The following CFAP57 variants were observed in gnomAD, a reference collection of about 807,000 sequenced individuals.
CFAP57 encodes the protein cilia- and flagella-associated protein 57.
Under a neutral mutation model 146.8 loss-of-function variants are expected in CFAP57, and 116 were observed. The observed-to-expected ratio is 0.79, with a 90% CI of 0.68 to 0.92. CFAP57 has a LOEUF of 0.92. Among genes scored for constraint, CFAP57 ranks in the 40% least tolerant of loss-of-function variants. The pLI is 0.00. For missense variants in CFAP57, 1,377 were observed against 1,527.2 expected (o/e 0.90, Z 1.64); for synonymous variants, 518 against 552.8 (o/e 0.94, Z 0.88).
intron 21 of CFAP57, among the ~76,000 whole-genome samples, chr1:43,235,408 A>G (rs1346117417): frequency 6.6e-6 from 1 of 152,214 alleles, no homozygotes; most frequent in East Asian, 1.9e-4. Flanking sequence ...TCAGAATCAC[A>G]TTTATAAAGC....
intron 11 of CFAP57, among the ~76,000 whole-genome samples, chr1:43,213,162 A>G (rs1314094265): frequency 6.6e-6 from 1 of 151,938 alleles, no homozygotes; most frequent in Non-Finnish European, 1.5e-5. Flanking sequence ...ATCTCCGCTC[A>G]CTGCAACCAC....
chr1:43,242,388 A>G (rs903317036), intron 21 of CFAP57, among the ~76,000 whole-genome samples: 1 of 152,252 alleles, frequency 6.6e-6, no homozygotes, highest in East Asian at 1.9e-4. Flanking sequence ...TTAACATAGT[A>G]TCTCCATAAT....
intron 6 of CFAP57, 140 bp downstream of exon 6, chr1:43,186,999 T>C (rs1339157499): frequency 2.0e-6 from 2 of 995,058 alleles, no homozygotes; most frequent in Non-Finnish European, 3.0e-6. Flanking sequence ...AACAAAATTC[T>C]AATTTTAAGA....
Position 43,198,655 on chromosome 1 carries a change from A to G in CFAP57, c.1428+9A>G, listed in dbSNP as rs2124425877. On this transcript the variant is annotated intron_variant, in intron 8 of 22. Transcript: ENST00000372492. ...TTAGAGGATGCGGAGAGGTAAAAAA[A>G]AAACTGCTGAAGACAAAAGTCCAGT... 1 of 1,613,692 alleles carries G rather than the reference A, an allele frequency of 6.2e-7. No homozygotes were observed. Among genetic ancestry groups the G allele is most frequent in the East Asian group, 2.2e-5 (1 of 44,864 alleles).
intron 13 of CFAP57, among the ~76,000 whole-genome samples, chr1:43,220,351 C>G (rs1158803557): frequency 6.6e-6 from 1 of 152,180 alleles, no homozygotes; most frequent in African/African-American, 2.4e-5. Flanking sequence ...TAAAATTAGT[C>G]TACATGGCCT....
At chr1:43,226,676 C>T (rs549293609) in intron 17 of CFAP57, among the ~76,000 whole-genome samples, 5 of 152,330 alleles carry the variant, frequency 3.3e-5, no homozygotes, top group South Asian at 2.1e-4. Flanking sequence ...AGCAAGGTCA[C>T]GCTGTAGAAC....
At chr1:43,191,010 T>C (rs941413925) in intron 6 of CFAP57, among the ~76,000 whole-genome samples, 4 of 152,186 alleles carry the variant, frequency 2.6e-5, no homozygotes, top group African/African-American at 9.7e-5. Context: ...CAGCCTCTTC[T>C]AATTTTTTGA....
At chr1:43,244,314 G>A (rs970262280) in intron 22 of CFAP57, among the ~76,000 whole-genome samples, 4 of 152,162 alleles carry the variant, frequency 2.6e-5, no homozygotes, top group Non-Finnish European at 1.5e-5. Flanking sequence ...TGAAGTGTCA[G>A]TTGTCTCTTG....
In CFAP57 at chr1:43,225,243, G is replaced by T. The variant is rs537590192; in HGVS notation, c.2865+1039G>T. 8.0e-4 allele frequency among the ~76,000 whole-genome samples: 122 copies of T among 152,310 alleles called. 1 individual carries two copies. Among genetic ancestry groups the T allele is most frequent in the Non-Finnish European group, 1.6e-4 (11 of 68,028 alleles). ...CACCACCATGGACTGGCAGGGTACA[G>T]GTGCAATGCTGCCACTCTCCTGCTC... On this transcript the variant is annotated intron_variant, in intron 17 of 22. Transcript: ENST00000372492.
At chr1:43,173,060 A>T (rs184744422) in intron 2 of CFAP57, 150 bp downstream of exon 2, 1 of 690,482 alleles carries the variant, frequency 1.4e-6, no homozygotes, top group Non-Finnish European at 2.5e-6. Flanking sequence ...GGCGACTTGT[A>T]TTATGAAACT....
At chr1:43,203,283 GA>G (rs747832689) in intron 9 of CFAP57, among the ~76,000 whole-genome samples, 192 of 148,372 alleles carry the variant, frequency 1.3e-3, no homozygotes, top group Non-Finnish European at 7.9e-4. Context: ...AACATTTAAG[GA>G]AAAAAAAATA....
Position 43,199,398 on chromosome 1 carries a change from T to C in CFAP57, c.1437T>C (p.Phe479=), listed in dbSNP as rs1644013302. ...YSVRGCGECS[F]SNGGHLFAAV... ...GCTGTCTTTCCCTATAGTGTTCCTT[T>C]AGCAATGGAGGTCACCTGTTTGCTG... Residue 479 remains phenylalanine, a synonymous_variant, in exon 9 of 23, where the codon TTT becomes TTC. Transcript: ENST00000372492. 1 of 1,614,106 alleles carries C rather than the reference T, an allele frequency of 6.2e-7. No individual in the cohort carries two copies. The highest frequency in any genetic ancestry group is 8.5e-7 in the Non-Finnish European group (1 of 1,179,990).
At position 43,179,298 on chromosome 1, in the gene CFAP57, G is replaced by C. The variant is rs529316675; in HGVS notation, c.158-2236G>C. Among the ~76,000 whole-genome samples, 23 of 152,028 alleles carry C rather than the reference G, an allele frequency of 1.5e-4. 1 individual carries two copies. Among genetic ancestry groups the C allele is most frequent in the African/African-American group, 4.3e-4 (18 of 41,392 alleles). ...TAAAGTATAATAATAATAATAAAAGGATATCTATGTGAGAGGCGAAAATGT... is the reference window on the plus strand; with the variant it reads ...TAAAGTATAATAATAATAATAAAAGCATATCTATGTGAGAGGCGAAAATGT... On this transcript the variant is annotated intron_variant, in intron 2 of 22. Transcript: ENST00000372492.
At chr1:43,232,458 T>C in intron 18 of CFAP57, 50 bp from the exon 19 acceptor site, 1 of 1,479,582 alleles carries the variant, frequency 6.8e-7, no homozygotes. Flanking sequence ...AAATACAGTT[T>C]TCATTATCTA....
chr1:43,204,431 T>G (rs1644272387), intron 9 of CFAP57, among the ~76,000 whole-genome samples: 1 of 152,194 alleles, frequency 6.6e-6, no homozygotes, highest in Non-Finnish European at 1.5e-5. Context: ...TATGTTTCAA[T>G]TTTTTGTTGG....
At position 43,252,047 on chromosome 1, in the gene CFAP57, T is replaced by A. The variant is rs564022013; in HGVS notation, c.3539-1930T>A. Reference sequence around the variant, plus strand: ...ATTTGACTATGAGCATATATAATTTTCATAAATAAATTAATAAAATATTAG... The same window carrying A: ...ATTTGACTATGAGCATATATAATTTACATAAATAAATTAATAAAATATTAG... On this transcript the variant is annotated intron_variant, in intron 22 of 22. Transcript: ENST00000372492. Among the ~76,000 whole-genome samples the A allele has an allele frequency of 7.2e-5, 11 of 152,302 alleles. No individual in the cohort carries two copies. The East Asian group carries it at 2.1e-3, about 29-fold the overall frequency.
intron 4 of CFAP57, 74 bp from the exon 5 acceptor site, chr1:43,185,075 T>C: frequency 6.5e-7 from 1 of 1,530,668 alleles, no homozygotes; most frequent in Non-Finnish European, 9.0e-7. Flanking sequence ...GACAGTCTTC[T>C]TTCTCCTCCC....
rs1050569551 is a variant in CFAP57, at chr1:43,181,854, C to A, written c.474+4C>A. 6.2e-7 allele frequency: 1 copy of A among 1,613,964 alleles called. No homozygotes were observed. The highest frequency in any genetic ancestry group is 8.5e-7 in the Non-Finnish European group (1 of 1,179,880). ...TCAGAACAACCCTGTCTACCAGGTA[C>A]CTAGTAGTGTGACAAGTATCGTGAA... is the stretch of plus-strand genomic sequence containing the variant. On this transcript the variant is annotated splice_donor_region_variant and intron_variant, in intron 3 of 22. Coordinates refer to ENST00000372492, the MANE Select transcript of CFAP57 (RefSeq NM_001378189.1).
intron 12 of CFAP57, among the ~76,000 whole-genome samples, chr1:43,216,693 C>T (rs751813903): frequency 1.3e-5 from 2 of 152,154 alleles, no homozygotes; most frequent in African/African-American, 2.4e-5. Context: ...CTTTCTGACT[C>T]CTCCTCCCCG....
Sources: allele counts gnomAD v4.1 joint callset (sites outside exome capture counted in the v4.1 genomes callset), GRCh38; gene constraint gnomAD v4.1.1; transcripts MANE v1.5; gene names NCBI Gene and HGNC (gene_info 2026-07-23, HGNC 2026-07-21).